SAMD12: variants seen among roughly 807,000 people sequenced by gnomAD.
The protein encoded by SAMD12 is sterile alpha motif domain-containing protein 12.
A neutral mutation model predicts 15.0 loss-of-function variants in SAMD12; 9 were observed. The observed-to-expected ratio is 0.60, with a 90% CI of 0.36 to 1.05. The LOEUF is 1.05. Ranked by LOEUF, SAMD12 falls within the 50% of genes least tolerant of loss-of-function variation. The probability of loss-of-function intolerance (pLI) is 0.01; values close to 1 mark genes in which losing one functional copy is unlikely to be tolerated. For synonymous variants in SAMD12, 86 were observed against 90.1 expected (o/e 0.96, Z 0.25); for missense variants, 230 against 234.2 (o/e 0.98, Z 0.12).
At chr8:118,508,506 C>A (rs1824986981) in intron 2 of SAMD12, among the ~76,000 whole-genome samples, 1 of 152,084 alleles carries the variant, frequency 6.6e-6, no homozygotes, top group African/African-American at 2.4e-5. Flanking sequence ...TAATAATAAG[C>A]CTTAAGTTGT....
downstream of SAMD12, chr8:118,375,813 C>T (rs959341445): frequency 6.6e-6 from 1 of 152,208 alleles, no homozygotes; most frequent in Non-Finnish European, 1.5e-5. Flanking sequence ...CCCTGTCCCA[C>T]AGGTGCAGCT....
At chr8:118,511,688 A>G (rs1361723193) in intron 2 of SAMD12, among the ~76,000 whole-genome samples, 1 of 152,182 alleles carries the variant, frequency 6.6e-6, no homozygotes, top group African/African-American at 2.4e-5. Context: ...ACACTACGCA[A>G]CACAAAATCT....
At chr8:118,404,917 C>T (rs1053709314) in intron 3 of SAMD12, among the ~76,000 whole-genome samples, 1 of 152,162 alleles carries the variant, frequency 6.6e-6, no homozygotes, top group African/African-American at 2.4e-5. Flanking sequence ...CCACCATAAC[C>T]TCCCAAAGTG....
chr8:118,587,012 G>A (rs1222992119), intron 1 of SAMD12, among the ~76,000 whole-genome samples: 3 of 152,178 alleles, frequency 2.0e-5, no homozygotes, highest in Non-Finnish European at 4.4e-5. Context: ...TTATTTGACT[G>A]CCATCTGCAA....
At position 118,226,949 on chromosome 8, in the gene SAMD12, A is replaced by G. The variant is rs73318050; in HGVS notation, c.434-29217T>C. ...TTTGATAGCATCAGATGGGGTGGACACTGAACCAGGAATTAGAGGACATAG... is the reference window on the plus strand; with the variant it reads ...TTTGATAGCATCAGATGGGGTGGACGCTGAACCAGGAATTAGAGGACATAG... On this transcript the variant is annotated intron_variant, in intron 4 of 4. Transcript: ENST00000409003. Among the ~76,000 whole-genome samples, 1,154 of 152,274 alleles carry G rather than the reference A, an allele frequency of 7.6e-3. 15 individuals are homozygous for G. The highest frequency in any genetic ancestry group is 0.027 in the African/African-American group (1,104 of 41,560).
intron 2 of SAMD12, among the ~76,000 whole-genome samples, chr8:118,513,068 A>C (rs77657160): frequency 0.05 from 7,619 of 152,108 alleles, 588 homozygotes; most frequent in African/African-American, 0.17. Context: ...ACTGGGAACA[A>C]TTTGAGGGCA....
At chr8:118,415,887 G>C (rs977854310) in intron 3 of SAMD12, among the ~76,000 whole-genome samples, 10 of 152,172 alleles carry the variant, frequency 6.6e-5, no homozygotes, top group African/African-American at 2.4e-4. Flanking sequence ...GGTTTCAACA[G>C]ACTAATAGAG....
the SAMD12 span, among the ~76,000 whole-genome samples, chr8:118,167,781 A>G: frequency 6.6e-6 from 1 of 152,028 alleles, no homozygotes; most frequent in African/African-American, 2.4e-5. Flanking sequence ...ACATCTCCTC[A>G]CAGAGACTCC....
At chr8:118,216,293 C>T (rs1179192441) in intron 4 of SAMD12, among the ~76,000 whole-genome samples, 5 of 151,928 alleles carry the variant, frequency 3.3e-5, no homozygotes, top group Admixed American at 2.6e-4. Flanking sequence ...ATGTCCTTCG[C>T]CCACTTTTTG....
chr8:118,148,176 C>A, the SAMD12 span, among the ~76,000 whole-genome samples: 1 of 152,134 alleles, frequency 6.6e-6, no homozygotes, highest in East Asian at 1.9e-4. Context: ...GTGATCCACT[C>A]CCCTAGGCCT....
chr8:118,283,762 C>T (rs1813778455), intron 4 of SAMD12, among the ~76,000 whole-genome samples: 1 of 152,088 alleles, frequency 6.6e-6, no homozygotes, highest in Admixed American at 6.6e-5. Flanking sequence ...TGGGCAAAGA[C>T]TTTAAAGAGC....
Position 118,314,862 on chromosome 8 carries a change from C to T in SAMD12, c.433+64698G>A, listed in dbSNP as rs552481619. On this transcript the variant is annotated intron_variant, in intron 4 of 4. Transcript: ENST00000409003. ...CAGTCTTCGGCTATTACAAATAAAG[C>T]GGCTATGAACATTATTATACAGGTT... Among the ~76,000 whole-genome samples, 11 of 152,224 alleles carry T rather than the reference C, an allele frequency of 7.2e-5. No homozygotes were observed. The Middle Eastern group carries it at 0.01, about 141-fold the overall frequency.
intron 1 of SAMD12, among the ~76,000 whole-genome samples, chr8:118,582,043 T>A (rs1333615010): frequency 6.6e-6 from 1 of 152,174 alleles, no homozygotes; most frequent in African/African-American, 2.4e-5. Context: ...CGGCACTCCA[T>A]TTAGGCCATA....
At chr8:118,548,735 T>C (rs1826218936) in intron 2 of SAMD12, among the ~76,000 whole-genome samples, 1 of 152,216 alleles carries the variant, frequency 6.6e-6, no homozygotes, top group South Asian at 2.1e-4. Flanking sequence ...ATTGCCTCAC[T>C]CGGGAAGTGC....
intron 1 of SAMD12, among the ~76,000 whole-genome samples, chr8:118,606,592 G>T (rs1827990879): frequency 6.7e-6 from 1 of 149,134 alleles, no homozygotes; most frequent in South Asian, 2.1e-4. Context: ...AAAAAGAAAA[G>T]AAAAGAAAAA....
At chr8:118,232,790 G>A (rs781761200) in intron 4 of SAMD12, among the ~76,000 whole-genome samples, 6 of 152,188 alleles carry the variant, frequency 3.9e-5, no homozygotes, top group Admixed American at 6.5e-5. Flanking sequence ...AGCCAACAGA[G>A]GGTGTAGGCT....
chr8:118,245,652 A>G (rs1397498246), intron 4 of SAMD12, among the ~76,000 whole-genome samples: 2 of 152,144 alleles, frequency 1.3e-5, no homozygotes, highest in East Asian at 3.9e-4. Flanking sequence ...TTTCTTTTAT[A>G]GGAATAATCA....
In SAMD12 at chr8:118,521,131, C is replaced by T. The variant is rs144180065; in HGVS notation, c.192+59584G>A. On this transcript the variant is annotated intron_variant, in intron 2 of 3. Transcript: ENST00000314727. The stretch of plus-strand genomic sequence containing the variant: ...GTCTAAACTAGCATCCTTGTGCATG[C>T]GGATCTAAAAATTGTAGTGTTTTTC... Among the ~76,000 whole-genome samples, 19 of 152,254 alleles carry T rather than the reference C, an allele frequency of 1.2e-4. No homozygotes were observed. In the East Asian group the frequency reaches 1.4e-3, roughly 11 times the overall value.
rs918457365 is a variant in SAMD12, at chr8:118,379,661, C to A, written c.362G>T (p.Arg121Leu). 9.9e-6 allele frequency: 16 copies of A among 1,613,862 alleles called. No individual in the cohort carries two copies. The highest frequency in any genetic ancestry group is 1.3e-5 in the Non-Finnish European group (15 of 1,179,814). Residue 121 changes from arginine (R) to leucine (L), a missense_variant, in exon 4 of 4, where the codon CGA becomes CTA. Physicochemically the swap from Arg to Leu is moderately radical, Grantham distance 102. Transcript: ENST00000314727. Reference protein sequence around the residue: ...LLRLTDKKLERMGIAQENLRQ... With the variant: ...LLRLTDKKLELMGIAQENLRQ... The stretch of plus-strand genomic sequence containing the variant: ...GAGGTTCTCCTGGGCAATCCCCATT[C>A]GCTCGAGCTTTTTGTCAGTAAGTCT...
Sources: allele counts gnomAD v4.1 joint callset (sites outside exome capture counted in the v4.1 genomes callset), GRCh38; gene constraint gnomAD v4.1.1; transcripts MANE v1.5; gene names NCBI Gene and HGNC (gene_info 2026-07-23, HGNC 2026-07-21).